Variants in L3MBTL4 observed in about 807,000 individuals in gnomAD.
The protein encoded by L3MBTL4 is lethal(3)malignant brain tumor-like protein 4.
L3MBTL4 carries 70 observed loss-of-function variants against 84.5 expected under a neutral mutation model. The ratio of observed to expected loss-of-function variants is 0.83; its 90% confidence interval spans 0.68 to 1.01. The LOEUF (loss-of-function observed/expected upper bound fraction) is 1.01, where lower values mean the gene tolerates loss of function less well. L3MBTL4 is among the 50% of genes least tolerant of loss of function. The pLI, the probability that L3MBTL4 is intolerant of heterozygous loss-of-function variation, is 0.00. For synonymous variants in L3MBTL4, 274 were observed against 259.8 expected (o/e 1.05, Z -0.52); for missense variants, 715 against 754.8 (o/e 0.95, Z 0.62).
chr18:6,023,421 T>C (rs557381298), intron 16 of L3MBTL4, among the ~76,000 whole-genome samples: 28 of 152,198 alleles, frequency 1.8e-4, no homozygotes, highest in Non-Finnish European at 3.5e-4. Flanking sequence ...AGCTTTTCTT[T>C]CCTTTTGATA....
chr18:6,343,429 C>T (rs1164768841), intron 1 of L3MBTL4, among the ~76,000 whole-genome samples: 2 of 151,894 alleles, frequency 1.3e-5, no homozygotes, highest in African/African-American at 2.4e-5. Flanking sequence ...TCTGGGAGGC[C>T]GAGGCGGGCA....
intron 14 of L3MBTL4, among the ~76,000 whole-genome samples, chr18:6,116,511 G>A (rs909068420): frequency 4.6e-5 from 7 of 151,902 alleles, no homozygotes; most frequent in African/African-American, 1.7e-4. Flanking sequence ...TTACCGGCAT[G>A]CACCACCCTG....
intron 16 of L3MBTL4, among the ~76,000 whole-genome samples, chr18:6,047,162 T>C (rs2056657974): frequency 6.6e-6 from 1 of 152,162 alleles, no homozygotes; most frequent in African/African-American, 2.4e-5. Context: ...AACTGATGTA[T>C]TCCTGGAAAC....
intron 14 of L3MBTL4, among the ~76,000 whole-genome samples, chr18:6,134,160 T>G (rs1361000677): frequency 6.6e-6 from 1 of 152,116 alleles, no homozygotes; most frequent in African/African-American, 2.4e-5. Flanking sequence ...AAACCCCTGA[T>G]AAACCCATCA....
At chr18:5,979,970 C>T (rs77573028) in intron 16 of L3MBTL4, among the ~76,000 whole-genome samples, 4 of 152,150 alleles carry the variant, frequency 2.6e-5, no homozygotes, top group East Asian at 3.9e-4. Context: ...TAAAGGCACA[C>T]GTCGCCTCCA....
At chr18:6,063,872 T>G (rs2057317409) in intron 16 of L3MBTL4, among the ~76,000 whole-genome samples, 1 of 152,030 alleles carries the variant, frequency 6.6e-6, no homozygotes, top group Non-Finnish European at 1.5e-5. Flanking sequence ...TAGGTCCCAT[T>G]TATTTATTTT....
chr18:6,109,158 A>C (rs749843534), intron 14 of L3MBTL4, among the ~76,000 whole-genome samples: 56 of 152,186 alleles, frequency 3.7e-4, no homozygotes, highest in Non-Finnish European at 6.0e-4. Flanking sequence ...TATAACATGC[A>C]GTCTCTTTCT....
chr18:6,263,859 G>C, intron 5 of L3MBTL4, 88 bp downstream of exon 5: 1 of 878,306 alleles, frequency 1.1e-6, no homozygotes, highest in Non-Finnish European at 1.9e-6. Context: ...CAAATAAGTT[G>C]ATGGGCTATC....
chr18:6,343,575 T>C (rs2052718363), intron 1 of L3MBTL4, among the ~76,000 whole-genome samples: 1 of 148,180 alleles, frequency 6.7e-6, no homozygotes, highest in Non-Finnish European at 1.5e-5. Context: ...GGCAGGAGAA[T>C]GGCGTGAACC....
intron 16 of L3MBTL4, among the ~76,000 whole-genome samples, chr18:6,042,818 T>A (rs1298684349): frequency 6.6e-6 from 1 of 152,182 alleles, no homozygotes; most frequent in Non-Finnish European, 1.5e-5. Flanking sequence ...GTGCACACTA[T>A]CTGCAAATGT....
chr18:5,960,056 A>ATG, intron 18 of L3MBTL4, 38 bp downstream of exon 18: 1 of 440,714 alleles, frequency 2.3e-6, no homozygotes, highest in Non-Finnish European at 3.7e-6. Context: ...ATATATATAT[A>ATG]TATACATATA....
chr18:6,080,717 G>T (rs1366548169), intron 16 of L3MBTL4, among the ~76,000 whole-genome samples, 164 bp downstream of exon 16: 1 of 152,194 alleles, frequency 6.6e-6, no homozygotes, highest in Admixed American at 6.5e-5. Flanking sequence ...GAAGTGAAGG[G>T]ACTCATTCAC....
intron 1 of L3MBTL4, among the ~76,000 whole-genome samples, chr18:6,386,593 G>A (rs2054828455): frequency 6.6e-6 from 1 of 152,184 alleles, no homozygotes; most frequent in Non-Finnish European, 1.5e-5. Context: ...TAATGTCAGG[G>A]AGGCCTCTAC....
At chr18:6,138,049 C>T in intron 14 of L3MBTL4, 145 bp downstream of exon 14, 1 of 537,794 alleles carries the variant, frequency 1.9e-6, no homozygotes, top group Non-Finnish European at 3.3e-6. Context: ...AGGAAAATGT[C>T]AAGGAAAGGC....
chr18:6,166,771 A>T (rs1421237214), intron 13 of L3MBTL4, among the ~76,000 whole-genome samples: 1 of 152,224 alleles, frequency 6.6e-6, no homozygotes, highest in African/African-American at 2.4e-5. Context: ...TAAAAGAACT[A>T]GAGAAGCAAG....
intron 16 of L3MBTL4, 134 bp from the exon 17 acceptor site, chr18:5,969,696 G>C (rs187077179): frequency 1.3e-6 from 1 of 784,904 alleles, no homozygotes; most frequent in Admixed American, 2.9e-5. Flanking sequence ...TCTTCTGATC[G>C]TACAGCATCA....
chr18:6,246,725 G>A (rs1005553969), intron 5 of L3MBTL4, among the ~76,000 whole-genome samples: 6 of 152,110 alleles, frequency 3.9e-5, no homozygotes, highest in African/African-American at 4.8e-5. Context: ...CCAACATGGC[G>A]AAACCCCATC....
intron 15 of L3MBTL4, among the ~76,000 whole-genome samples, chr18:6,092,360 C>T (rs1028038833): frequency 2.0e-5 from 3 of 152,208 alleles, no homozygotes; most frequent in African/African-American, 7.2e-5. Flanking sequence ...GAAGGAGCAC[C>T]TCCCCACCTG....
At chr18:6,349,925 TA>T (rs927990471) in intron 1 of L3MBTL4, among the ~76,000 whole-genome samples, 2 of 151,866 alleles carry the variant, frequency 1.3e-5, no homozygotes, top group Admixed American at 6.6e-5. Flanking sequence ...GTTCACTTCA[TA>T]AAAAAAATAA....
Sources: allele counts gnomAD v4.1 joint callset (sites outside exome capture counted in the v4.1 genomes callset), GRCh38; gene constraint gnomAD v4.1.1; transcripts MANE v1.5; gene names NCBI Gene and HGNC (gene_info 2026-07-23, HGNC 2026-07-21).